SGO1: variants seen among roughly 807,000 people sequenced by gnomAD.
SGO1 encodes shugoshin 1, also known as serologically defined breast cancer antigen NY-BR-85.
A neutral mutation model predicts 50.5 loss-of-function variants in SGO1; 39 were observed. The ratio of observed to expected loss-of-function variants is 0.77; its 90% CI spans 0.60 to 1.01. The LOEUF is 1.01. SGO1 is among the 50% of genes least tolerant of loss of function. The pLI is 0.00. For missense variants in SGO1, 638 were observed against 606.0 expected, an observed-to-expected ratio of 1.05 and a Z score of -0.55; for synonymous variants, 191 against 205.1, an observed-to-expected ratio of 0.93 and a Z score of 0.59.
chr3:20,186,452 A>C (rs1452072483), upstream of SGO1: 1 of 152,218 alleles, frequency 6.6e-6, no homozygotes, highest in Non-Finnish European at 1.5e-5. Flanking sequence ...TTACTCCGAA[A>C]CCTTTAAGGC....
intron 3 of SGO1, among the ~76,000 whole-genome samples, chr3:20,183,010 G>A (rs1411250937): frequency 1.7e-4 from 25 of 150,732 alleles, no homozygotes; most frequent in East Asian, 3.9e-4. Flanking sequence ...TGAGGGAGAC[G>A]CCGTCTCAAA....
chr3:20,164,330 AT>A (rs1404796190), intron 8 of SGO1, among the ~76,000 whole-genome samples: 7 of 152,200 alleles, frequency 4.6e-5, no homozygotes, highest in Non-Finnish European at 7.3e-5. Flanking sequence ...GGAGAAAAAA[AT>A]ATCATCTCAA....
chr3:20,175,665 G>C (rs1018406355), intron 5 of SGO1, among the ~76,000 whole-genome samples: 7 of 151,986 alleles, frequency 4.6e-5, no homozygotes, highest in African/African-American at 1.7e-4. Flanking sequence ...CAGGCGTGGT[G>C]GTGGGTGCCT....
chr3:20,175,640 A>G (rs1701297219), intron 5 of SGO1, among the ~76,000 whole-genome samples: 1 of 151,300 alleles, frequency 6.6e-6, no homozygotes, highest in Non-Finnish European at 1.5e-5. Context: ...ACTAAAAAAA[A>G]TACAAAAAAT....
chr3:20,166,094 A>T (rs1354750896), downstream of SGO1, among the ~76,000 whole-genome samples: 2 of 152,084 alleles, frequency 1.3e-5, no homozygotes, highest in African/African-American at 4.8e-5. Flanking sequence ...CCTATGTATT[A>T]AAAAAATTAT....
At chr3:20,177,648 C>G (rs1312035863) in intron 4 of SGO1, among the ~76,000 whole-genome samples, 1 of 152,172 alleles carries the variant, frequency 6.6e-6, no homozygotes, top group Non-Finnish European at 1.5e-5. Context: ...ACAATGTTAA[C>G]AGTGAAAACA....
At chr3:20,178,642 T>A (rs923998055) in intron 3 of SGO1, among the ~76,000 whole-genome samples, 1 of 152,224 alleles carries the variant, frequency 6.6e-6, no homozygotes, top group Non-Finnish European at 1.5e-5. Context: ...CAGGTTGGAT[T>A]GCTCTTTTAA....
chr3:20,179,376 GAC>G (rs1404427411), intron 3 of SGO1, among the ~76,000 whole-genome samples: 1 of 152,150 alleles, frequency 6.6e-6, no homozygotes, highest in East Asian at 1.9e-4. Flanking sequence ...TCAGCAGACA[GAC>G]AGTACATAAA....
At chr3:20,168,299 T>C (rs889808628), downstream of SGO1, among the ~76,000 whole-genome samples, 2 of 152,176 alleles carry the variant, frequency 1.3e-5, no homozygotes, top group Non-Finnish European at 2.9e-5. Context: ...GCAAACTTTT[T>C]TGGTAAAGAC....
intron 3 of SGO1, among the ~76,000 whole-genome samples, chr3:20,182,793 C>T (rs1366780860): frequency 2.6e-5 from 4 of 152,134 alleles, no homozygotes; most frequent in Admixed American, 6.5e-5. Flanking sequence ...TCGACATGGG[C>T]GGATCACGAG....
At chr3:20,162,751 C>T (rs1009409947) in intron 8 of SGO1, among the ~76,000 whole-genome samples, 1 of 147,246 alleles carries the variant, frequency 6.8e-6, no homozygotes, top group Non-Finnish European at 1.5e-5. Context: ...AATAAAGAGA[C>T]AAATAAAATA....
chr3:20,162,612 G>C (rs912761683), intron 8 of SGO1, among the ~76,000 whole-genome samples: 1 of 151,860 alleles, frequency 6.6e-6, no homozygotes, highest in Non-Finnish European at 1.5e-5. Context: ...TATAATAATC[G>C]ACTAAAAGAA....
chr3:20,161,349 T>C lies in SGO1; in HGVS notation c.1565-123A>G, dbSNP rs988656153. The C allele has an allele frequency of 2.2e-6, 3 of 1,370,932 alleles. No homozygotes were observed. In the South Asian group the frequency reaches 5.1e-5, roughly 23 times the overall value. 84.9% of individuals were successfully genotyped at this position (1,370,932 alleles called of 1,614,324 possible). A position where few individuals can be genotyped will look rare whatever the true frequency, so the allele number is the denominator to read the frequency against. On this transcript the variant is annotated intron_variant, in intron 8 of 8. Coordinates refer to the SGO1 transcript ENST00000263753. The stretch of plus-strand genomic sequence containing the variant: ...GCTCACAATAAAAAATTAGAAAATA[T>C]GTGAGCAAACAATCAAAAGTCAGCA...
Position 20,171,023 on chromosome 3 carries a change from C to A in SGO1, c.1472+20G>T. The A allele has an allele frequency of 1.3e-6, 2 of 1,559,754 alleles. No homozygotes were observed. Among genetic ancestry groups the A allele is most frequent in the Non-Finnish European group, 1.7e-6 (2 of 1,161,052 alleles). On this transcript the variant is annotated intron_variant, in intron 7 of 7. Transcript: ENST00000412997. ...CGACATGTATCATTAAAAATAAGTT[C>A]CCACAAACCAAATACTTACGAAGCG...
downstream of SGO1, among the ~76,000 whole-genome samples, chr3:20,167,539 G>T (rs982509226): frequency 2.0e-5 from 3 of 152,050 alleles, no homozygotes; most frequent in Admixed American, 6.5e-5. Context: ...CATAAAGGAA[G>T]AAATGAGAAT....
chr3:20,176,566 C>A, intron 5 of SGO1, 35 bp downstream of exon 5: 4 of 1,300,486 alleles, frequency 3.1e-6, no homozygotes, highest in South Asian at 2.7e-5. Flanking sequence ...CTTATTTTGC[C>A]CTTAATAATA....
At chr3:20,182,181 G>C (rs908883073) in intron 3 of SGO1, among the ~76,000 whole-genome samples, 2 of 151,662 alleles carry the variant, frequency 1.3e-5, no homozygotes, top group Non-Finnish European at 2.9e-5. Flanking sequence ...TGTACTTATT[G>C]TCTATGTGTG....
intron 1 of SGO1, among the ~76,000 whole-genome samples, chr3:20,185,576 C>T (rs1702555279): frequency 6.6e-6 from 1 of 152,140 alleles, no homozygotes; most frequent in Non-Finnish European, 1.5e-5. Context: ...GCGAAGACAG[C>T]CAGGTAGGAT....
At chr3:20,174,119 A>C in intron 6 of SGO1, 130 bp downstream of exon 6, 1 of 745,302 alleles carries the variant, frequency 1.3e-6, no homozygotes, top group Non-Finnish European at 2.2e-6. Context: ...CATAACTTCC[A>C]CCAAAGAGAG....
Sources: gnomAD v4.1 joint callset for allele counts (sites outside exome capture counted in the v4.1 genomes callset) on GRCh38, gnomAD v4.1.1 for gene constraint, MANE v1.5 for transcripts, NCBI Gene and HGNC (gene_info 2026-07-23, HGNC 2026-07-21) for gene names.